MAT1A: variants seen among roughly 807,000 people sequenced by gnomAD.
The protein encoded by MAT1A is methionine adenosyltransferase 1A.
In MAT1A, 19 loss-of-function variants were observed where a neutral mutation model predicts 44.0. That is an observed-to-expected ratio of 0.43 (90% CI 0.30 to 0.63). The LOEUF (loss-of-function observed/expected upper bound fraction) is 0.63. Among genes scored for constraint, MAT1A ranks in the 30% least tolerant of loss-of-function variants. The probability of loss-of-function intolerance (pLI) is 0.12; values close to 1 mark genes in which losing one functional copy is unlikely to be tolerated. For synonymous variants in MAT1A, 205 were observed against 205.6 expected (o/e 1.00, Z 0.03); for missense variants, 397 against 531.0 (o/e 0.75, Z 2.48).
At position 80,277,271 on chromosome 10, in the gene MAT1A, G is replaced by A. The variant is rs1841502442; in HGVS notation, c.550-677C>T. ...GAGGGACACTGGCCAGTGAGTATGG[G>A]ACTGCTCCCATCCCAGGGCCTGGAC... On this transcript the variant is annotated intron_variant, in intron 5 of 8. Transcript: ENST00000372213. Among the ~76,000 whole-genome samples, 3 of 152,200 alleles carry A rather than the reference G, an allele frequency of 2.0e-5. No individual in the cohort carries two copies. In the South Asian group the frequency reaches 6.2e-4, roughly 31 times the overall value.
chr10:80,280,434 T>A, intron 4 of MAT1A, 118 bp from the exon 5 acceptor site: 1 of 1,304,522 alleles, frequency 7.7e-7, no homozygotes, highest in Non-Finnish European at 1.1e-6. Context: ...TCCATGGAGC[T>A]TTCCACTGGC....
At chr10:80,276,303 T>C in intron 6 of MAT1A, 73 bp downstream of exon 6, 1 of 1,493,618 alleles carries the variant, frequency 6.7e-7, no homozygotes. Context: ...CTCTTGAGGT[T>C]TTCCTGCTCT....
At chr10:80,284,734 G>C (rs556447115) in intron 2 of MAT1A, among the ~76,000 whole-genome samples, 1 of 152,298 alleles carries the variant, frequency 6.6e-6, no homozygotes, top group East Asian at 1.9e-4. Context: ...AAATGAACAG[G>C]CTGGACCTGA....
intron 1 of MAT1A, among the ~76,000 whole-genome samples, chr10:80,287,461 C>G (rs1841663419): frequency 6.6e-6 from 1 of 152,206 alleles, no homozygotes; most frequent in Admixed American, 6.5e-5. Context: ...TGGAAACTGA[C>G]TTACCTGGAC....
At chr10:80,280,366 C>T (rs1351012269) in intron 4 of MAT1A, 50 bp from the exon 5 acceptor site, 29 of 1,609,424 alleles carry the variant, frequency 1.8e-5, no homozygotes, top group Middle Eastern at 1.7e-4. Flanking sequence ...CCAAGAGGAC[C>T]GCAGCTCTCT....
intron 6 of MAT1A, among the ~76,000 whole-genome samples, chr10:80,275,926 G>A (rs1841478827): frequency 1.3e-5 from 2 of 152,210 alleles, no homozygotes; most frequent in Admixed American, 1.3e-4. Context: ...AGGGGGCAGT[G>A]GTGCCCTGTC....
At chr10:80,286,155 G>A (rs1229977408) in intron 1 of MAT1A, among the ~76,000 whole-genome samples, 11 of 152,070 alleles carry the variant, frequency 7.2e-5, no homozygotes, top group South Asian at 2.1e-4. Context: ...GGAGTCTAAC[G>A]CAACTCACAC....
At chr10:80,287,974 C>T (rs1205536727) in intron 1 of MAT1A, among the ~76,000 whole-genome samples, 1 of 152,172 alleles carries the variant, frequency 6.6e-6, no homozygotes, top group Non-Finnish European at 1.5e-5. Context: ...ACCTTACCCC[C>T]ACCTCCTATA....
chr10:80,283,213 G>A (rs879606686), intron 3 of MAT1A, among the ~76,000 whole-genome samples: 3 of 152,210 alleles, frequency 2.0e-5, no homozygotes, highest in African/African-American at 4.8e-5. Flanking sequence ...TCCGCACCTG[G>A]TGTCTGCTCT....
In MAT1A at chr10:80,276,415, G is replaced by T; in HGVS notation, c.729C>A (p.His243Gln). ...AKYLDEDTVY[H>Q]LQPSGRFVIG... is the part of the protein sequence containing the mutation. ...TGACAAACCGCCCACTGGGCTGCAG[G>T]TGGTAGACGGTGTCTTCGTCCAGGT... The change falls in exon 6 of 9, where the codon CAC becomes CAA. Residue 243 changes from histidine (H) to glutamine (Q), a missense_variant. Transcript: ENST00000372213. 6.2e-7 allele frequency: 1 copy of T among 1,614,166 alleles called. No individual in the cohort carries two copies. Among genetic ancestry groups the T allele is most frequent in the South Asian group, 1.1e-5 (1 of 91,086 alleles).
Position 80,272,692 on chromosome 10 carries a change from A to AGGACT in MAT1A, c.*1084_*1088dup, listed in dbSNP as rs962967680. 2 of 152,312 alleles carry AGGACT rather than the reference A, an allele frequency of 1.3e-5. No homozygotes were observed. Among genetic ancestry groups the AGGACT allele is most frequent in the African/African-American group, 4.8e-5 (2 of 41,424 alleles). 9.4% of individuals were successfully genotyped at this position (152,312 alleles called of 1,614,324 possible). ...TGCTTCTGCTCCAGGAAGCCCAGAT[A>AGGACT]GGACTGGACTGGACTTAGACCACTT... On this transcript the variant is annotated 3_prime_UTR_variant, in exon 9 of 9. Transcript: ENST00000372213.
chr10:80,274,671 C>T lies in MAT1A; in HGVS notation c.952-18G>A, dbSNP rs773599852. The T allele has an allele frequency of 4.5e-5, 73 of 1,613,914 alleles. No individual in the cohort carries two copies. The highest frequency in any genetic ancestry group is 5.5e-5 in the Non-Finnish European group (65 of 1,179,990). The stretch of plus-strand genomic sequence containing the variant: ...TAGGAAACCTTCCAGCAAGGTGCAG[C>T]GTCAGGGATTGAAGCCTCTGTGTGG... On this transcript the variant is annotated intron_variant, in intron 7 of 8. Transcript: ENST00000372213.
Position 80,280,725 on chromosome 10 carries a change from G to T in MAT1A, c.360C>A (p.Cys120Ter). The part of the protein sequence containing the change: ...LEQQSPDIAQ[C>*]VHLDRNEEDV... ...CCTCCTCATTTCTGTCCAGATGGAC[G>T]CACTGGGCAATATCTGGGGATTGCT... Residue 120 changes from cysteine to a stop codon, truncating the protein, a stop_gained, in exon 4 of 9, where the codon TGC becomes TGA. Transcript: ENST00000372213. LOFTEE classifies it high-confidence loss of function. 5 of 1,614,136 alleles carry T rather than the reference G, an allele frequency of 3.1e-6. No homozygotes were observed. The highest frequency in any genetic ancestry group is 4.2e-6 in the Non-Finnish European group (5 of 1,180,012).
Position 80,289,247 on chromosome 10 carries a change from T to A in MAT1A, c.91+86A>T, listed in dbSNP as rs112140636. On this transcript the variant is annotated intron_variant, in intron 1 of 8. Transcript: ENST00000372213. ...CCCATAAATATGCACAATTATTATG[T>A]GTCAAATTAAAACCATTTGTAAGTG... 11 of 1,023,218 alleles carry A rather than the reference T, an allele frequency of 1.1e-5. No homozygotes were observed. In the African/African-American group the frequency reaches 1.1e-4, roughly 10 times the overall value. 63.4% of individuals were successfully genotyped at this position (1,023,218 alleles called of 1,614,324 possible).
chr10:80,277,853 G>A (rs1283326733), intron 5 of MAT1A, among the ~76,000 whole-genome samples: 1 of 152,224 alleles, frequency 6.6e-6, no homozygotes, highest in Non-Finnish European at 1.5e-5. Flanking sequence ...ACACACCATG[G>A]AAAACACAGC....
chr10:80,286,930 T>C (rs1413664591), intron 1 of MAT1A, among the ~76,000 whole-genome samples: 3 of 152,230 alleles, frequency 2.0e-5, no homozygotes, highest in African/African-American at 7.2e-5. Flanking sequence ...TTTGAGGTTG[T>C]GTTTTGTTTG....
intron 3 of MAT1A, 76 bp from the exon 4 acceptor site, chr10:80,280,868 C>T (rs1478446277): frequency 8.7e-6 from 9 of 1,036,624 alleles, no homozygotes; most frequent in South Asian, 2.5e-5. Context: ...ATGGATGGCT[C>T]GGTTCCTGAC....
intron 5 of MAT1A, among the ~76,000 whole-genome samples, chr10:80,279,757 G>A (rs28391613): frequency 2.7e-4 from 41 of 151,408 alleles, no homozygotes; most frequent in African/African-American, 6.1e-4. Context: ...CAGACAGACA[G>A]CACAGACACA....
chr10:80,285,836 T>C (rs1841643089), intron 1 of MAT1A, among the ~76,000 whole-genome samples: 1 of 151,944 alleles, frequency 6.6e-6, no homozygotes, highest in Admixed American at 6.6e-5. Context: ...TACCTTTTTT[T>C]TTTTTTTGAG....
Sources: allele counts gnomAD v4.1 joint callset (sites outside exome capture counted in the v4.1 genomes callset), GRCh38; gene constraint gnomAD v4.1.1; transcripts MANE v1.5; gene names NCBI Gene and HGNC (gene_info 2026-07-23, HGNC 2026-07-21).